The following SACS variants were observed in gnomAD, a reference collection of about 807,000 sequenced individuals.
SACS encodes the protein sacsin.
Under a neutral mutation model 348.0 loss-of-function variants are expected in SACS, and 197 were observed. The observed-to-expected ratio is 0.57, with a 90% CI of 0.50 to 0.64. The LOEUF (loss-of-function observed/expected upper bound fraction) is 0.64, where lower values mean the gene tolerates loss of function less well. SACS is among the 30% of genes least tolerant of loss of function. The pLI is 0.00. For synonymous variants in SACS, 1,985 were observed against 1,910.6 expected, an observed-to-expected ratio of 1.04 and a Z score of -1.02; for missense variants, 4,999 against 5,360.8, an observed-to-expected ratio of 0.93 and a Z score of 2.11.
chr13:23,382,037 G>A (rs952493958), intron 2 of SACS, among the ~76,000 whole-genome samples: 2 of 152,182 alleles, frequency 1.3e-5, no homozygotes, highest in African/African-American at 4.8e-5. Context: ...GATTATAAAC[G>A]GCTGCACACA....
intron 7 of SACS, among the ~76,000 whole-genome samples, chr13:23,357,407 TG>T (rs1363528765): frequency 7.2e-5 from 11 of 152,232 alleles, no homozygotes; most frequent in Non-Finnish European, 1.0e-4. Flanking sequence ...TATGTATGAA[TG>T]TAAATGCAAC....
At chr13:23,357,691 T>C (rs945892034) in intron 7 of SACS, among the ~76,000 whole-genome samples, 3 of 152,232 alleles carry the variant, frequency 2.0e-5, no homozygotes, top group African/African-American at 7.2e-5. Flanking sequence ...ACTAAGAGCT[T>C]TGATTCTACA....
At chr13:23,375,080 G>A in intron 3 of SACS, 39 bp downstream of exon 3, 1 of 1,437,754 alleles carries the variant, frequency 7.0e-7, no homozygotes, top group African/African-American at 1.5e-5. Context: ...GTTCCTCCGC[G>A]TGGCGGAGCC....
At chr13:23,350,652 T>C (rs1011275679) in intron 9 of SACS, among the ~76,000 whole-genome samples, 11 of 152,186 alleles carry the variant, frequency 7.2e-5, no homozygotes, top group African/African-American at 2.7e-4. Flanking sequence ...CAGAATTCCA[T>C]AGTGCTCTGT....
chr13:23,381,419 G>A (rs1339673588), intron 2 of SACS, among the ~76,000 whole-genome samples: 1 of 150,026 alleles, frequency 6.7e-6, no homozygotes, highest in Non-Finnish European at 1.5e-5. Context: ...GCTGGACGTG[G>A]GCAGCATGAA....
intron 6 of SACS, among the ~76,000 whole-genome samples, chr13:23,363,775 G>A (rs1035738133): frequency 1.3e-5 from 2 of 152,178 alleles, no homozygotes; most frequent in Non-Finnish European, 2.9e-5. Context: ...CTATGTGGGA[G>A]AAAGATTTTC....
chr13:23,397,992 G>A (rs2137917754), intron 2 of SACS, among the ~76,000 whole-genome samples: 1 of 151,960 alleles, frequency 6.6e-6, no homozygotes, highest in South Asian at 2.1e-4. Flanking sequence ...GGGAGTTCGA[G>A]ACCAGCCTGA....
chr13:23,373,471 A>C (rs1871521755), intron 3 of SACS: 1 of 154,770 alleles, frequency 6.5e-6, no homozygotes, highest in East Asian at 1.9e-4. Context: ...GGTTAAGATC[A>C]ATGCCCTCAT....
chr13:23,338,144 G>A lies in SACS; in HGVS notation c.5732C>T (p.Thr1911Met), dbSNP rs368494148. 5.6e-5 allele frequency: 91 copies of A among 1,613,974 alleles called. No individual in the cohort carries two copies. The highest frequency in any genetic ancestry group is 1.6e-4 in the Middle Eastern group (1 of 6,084). The change falls in exon 10 of 10, where the codon ACG (threonine) becomes ATG (methionine). Residue 1911 changes from threonine to methionine, a missense_variant. By Grantham distance (81) the Thr-to-Met change is moderately conservative. Transcript: ENST00000382292. ...KTDTKGRWNT[T>M]FMRHVIVKAY... is the part of the protein sequence containing the mutation. ...TTTCACAATAACATGTCTCATGAAC[G>A]TGGTATTCCATCGTCCTTTTGTATC... is the stretch of plus-strand genomic sequence containing the variant.
At chr13:23,365,694 T>C (rs983896738) in intron 5 of SACS, among the ~76,000 whole-genome samples, 7 of 152,214 alleles carry the variant, frequency 4.6e-5, no homozygotes, top group Admixed American at 3.9e-4. Flanking sequence ...ATCCTTTGCT[T>C]ACTAAACTTA....
At chr13:23,389,415 A>G (rs1253538997) in intron 2 of SACS, among the ~76,000 whole-genome samples, 1 of 152,186 alleles carries the variant, frequency 6.6e-6, no homozygotes, top group Non-Finnish European at 1.5e-5. Flanking sequence ...AAAAATATAT[A>G]TATATTAGTA....
Position 23,343,663 on chromosome 13 carries a change from G to A in SACS, c.2186-1973C>T, listed in dbSNP as rs184182196. 3.2e-3 allele frequency among the ~76,000 whole-genome samples: 493 copies of A among 152,260 alleles called. 3 individuals are homozygous for A. The highest frequency in any genetic ancestry group is 6.5e-3 in the Admixed American group (99 of 15,292). On this transcript the variant is annotated intron_variant, in intron 9 of 9. Transcript: ENST00000382292. ...TGCGCCACTGCACTCCAGCCTGGGC[G>A]ACAGAGCAAGGCTCCGTCTCAAAAA...
At chr13:23,373,442 ATGAGG>A (rs1871519083) in intron 3 of SACS, 1 of 153,496 alleles carries the variant, frequency 6.5e-6, no homozygotes, top group African/African-American at 2.4e-5. Context: ...CTACACTACG[ATGAGG>A]TGTCCATCAT....
chr13:23,369,914 A>C (rs1163384445), intron 4 of SACS, among the ~76,000 whole-genome samples: 11 of 150,348 alleles, frequency 7.3e-5, no homozygotes, highest in Admixed American at 3.3e-4. Flanking sequence ...GCTGGAGTGC[A>C]ATGGAGCGAT....
At chr13:23,400,481 T>C (rs547985353) in intron 2 of SACS, among the ~76,000 whole-genome samples, 86 of 152,140 alleles carry the variant, frequency 5.7e-4, no homozygotes, top group Non-Finnish European at 1.0e-3. Context: ...AGTGCAGTGG[T>C]GCCATCTCGG....
chr13:23,333,462 C>A lies in SACS; in HGVS notation c.10414G>T (p.Asp3472Tyr). 4 of 1,612,742 alleles carry A rather than the reference C, an allele frequency of 2.5e-6. No homozygotes were observed. Among genetic ancestry groups the A allele is most frequent in the Non-Finnish European group, 3.4e-6 (4 of 1,179,138 alleles). The change falls in exon 10 of 10, where the codon GAT (aspartate) becomes TAT (tyrosine). Residue 3472 changes from aspartate (D) to tyrosine (Y), a missense_variant. Coordinates refer to ENST00000382292, the MANE Select transcript of SACS (RefSeq NM_014363.6). ...TGTTTCAAATATACCTCAAGATCAT[C>A]TACAGGTACACAACCAATCACCTCA... Reference protein sequence around the residue: ...LYEVIGCVPVDDLEVYLKHLL... With the variant: ...LYEVIGCVPVYDLEVYLKHLL...
At chr13:23,373,168 T>C (rs979474629) in intron 3 of SACS, among the ~76,000 whole-genome samples, 1 of 152,104 alleles carries the variant, frequency 6.6e-6, no homozygotes, top group Non-Finnish European at 1.5e-5. Context: ...GAAGTGGGTA[T>C]AGACCCAGGA....
rs1205138654 is a variant in SACS at position 23,338,744 on chromosome 13, G to A, written c.5132C>T (p.Thr1711Ile). 14 of 1,610,346 alleles carry A rather than the reference G, an allele frequency of 8.7e-6. No individual in the cohort carries two copies. In the East Asian group the frequency reaches 1.6e-4, roughly 18 times the overall value. The change falls in exon 10 of 10, where the codon ACA becomes ATA. Residue 1711 changes from threonine to isoleucine, a missense_variant. By Grantham distance (89) the Thr-to-Ile change is moderately conservative. Coordinates refer to ENST00000382292, the MANE Select transcript of SACS (RefSeq NM_014363.6). ...EETNPSLAQD[T>I]VIIKKKSCSS... ...GCAGGATTTTTTTTTAATTATTACT[G>A]TATCTTGTGCTAAACTGGGGTTGGT...
intron 2 of SACS, among the ~76,000 whole-genome samples, chr13:23,388,642 T>G (rs1872404755): frequency 6.9e-6 from 1 of 145,260 alleles, no homozygotes; most frequent in Non-Finnish European, 1.5e-5. Flanking sequence ...GAAAACCAAA[T>G]ATAGCATGTT....
Sources: allele counts gnomAD v4.1 joint callset (sites outside exome capture counted in the v4.1 genomes callset), GRCh38; gene constraint gnomAD v4.1.1; transcripts MANE v1.5; gene names NCBI Gene and HGNC (gene_info 2026-07-23, HGNC 2026-07-21).